Variants in DNM2 observed in about 807,000 individuals in gnomAD.
The protein encoded by DNM2 is dynamin-2.
DNM2 carries 15 observed loss-of-function variants against 99.0 expected under a neutral mutation model. The observed-to-expected ratio is 0.15, with a 90% CI of 0.10 to 0.23. The LOEUF (loss-of-function observed/expected upper bound fraction) is 0.23, where lower values mean the gene tolerates loss of function less well. Ranked by LOEUF, DNM2 falls within the 10% of genes least tolerant of loss-of-function variation. The pLI, the probability that DNM2 is intolerant of heterozygous loss-of-function variation, is 1.00. For missense variants in DNM2, 742 were observed against 1,189.4 expected, an observed-to-expected ratio of 0.62 and a Z score of 5.53; for synonymous variants, 525 against 481.2, an observed-to-expected ratio of 1.09 and a Z score of -1.19.
intron 1 of DNM2, among the ~76,000 whole-genome samples, chr19:10,735,555 C>A (rs2069492732): frequency 6.6e-6 from 1 of 152,106 alleles, no homozygotes; most frequent in African/African-American, 2.4e-5. Context: ...GCTCTGTCAT[C>A]TAGGCTGGAG....
chr19:10,818,653 C>G lies in DNM2; in HGVS notation c.1672-1327C>G, dbSNP rs1024178786. ...CTTGCCAGGGAGCCCCCGCTGCCTT[C>G]TCCACAGTCACTGTGGCTGCTCCTG... On this transcript the variant is annotated intron_variant, in intron 15 of 20. Transcript: ENST00000389253. This position sits in a 1 kb window ranked among gnomAD's most constrained non-coding sequence, Gnocchi z 4.3. 6.6e-6 allele frequency among the ~76,000 whole-genome samples: 1 copy of G among 152,238 alleles called. No homozygotes were observed. The highest frequency in any genetic ancestry group is 2.4e-5 in the African/African-American group (1 of 41,472).
chr19:10,831,463 G>A lies in DNM2; in HGVS notation c.*416G>A. ...CATCCCCAGGCCTTGCTGGGGTGCA[G>A]GGGTATATCAACTTCCCATTAGCAG... is the stretch of plus-strand genomic sequence containing the variant. On this transcript the variant is annotated 3_prime_UTR_variant, in exon 21 of 21. Coordinates refer to ENST00000389253, the MANE Select transcript of DNM2 (RefSeq NM_001005361.3). The surrounding 1 kb of genome is among the most constrained non-coding windows in gnomAD (Gnocchi z 4.3). The A allele has an allele frequency of 1.0e-6, 1 of 998,032 alleles. No individual in the cohort carries two copies. Among genetic ancestry groups the A allele is most frequent in the Non-Finnish European group, 1.2e-6 (1 of 838,282 alleles). The allele number at this position is 998,032 out of a possible 1,614,324, so 61.8% of individuals were successfully genotyped here. A position where few individuals can be genotyped will look rare whatever the true frequency, so the allele number is the denominator to read the frequency against.
chr19:10,738,732 T>C (rs543250355), intron 1 of DNM2, among the ~76,000 whole-genome samples: 2 of 151,726 alleles, frequency 1.3e-5, no homozygotes, highest in Non-Finnish European at 2.9e-5. Flanking sequence ...TAGCTGGGCG[T>C]GGTGGTGGGT....
chr19:10,725,113 C>T (rs1195184482), intron 1 of DNM2, among the ~76,000 whole-genome samples: 3 of 152,188 alleles, frequency 2.0e-5, no homozygotes, highest in Non-Finnish European at 4.4e-5. Context: ...CTTCTGTTTC[C>T]AGTGACTTTC....
intron 2 of DNM2, among the ~76,000 whole-genome samples, chr19:10,767,034 A>G (rs2070820526): frequency 6.6e-6 from 1 of 152,000 alleles, no homozygotes; most frequent in African/African-American, 2.4e-5. Flanking sequence ...TGGCTTTGGT[A>G]TCTGGAAATG....
At position 10,811,455 on chromosome 19, in the gene DNM2, G is replaced by A. The variant is rs772702552; in HGVS notation, c.1558-809G>A. 94 of 343,444 alleles carry A rather than the reference G, an allele frequency of 2.7e-4. No homozygotes were observed. The highest frequency in any genetic ancestry group is 2.8e-4 in the Non-Finnish European group (49 of 172,644). 21.3% of individuals were successfully genotyped at this position (343,444 alleles called of 1,614,324 possible). The stretch of plus-strand genomic sequence containing the variant: ...ACTGGGGGATGCAGGCCAGCCCTTC[G>A]CAGCTGTCCATGGCCATGCTCAGCC... On this transcript the variant is annotated intron_variant, in intron 14 of 20. Transcript: ENST00000389253. The surrounding 1 kb of genome is among the most constrained non-coding windows in gnomAD (Gnocchi z 5.4).
chr19:10,738,223 A>T (rs2069601300), intron 1 of DNM2, among the ~76,000 whole-genome samples: 1 of 151,932 alleles, frequency 6.6e-6, no homozygotes, highest in African/African-American at 2.4e-5. Flanking sequence ...ACGCCGCTGT[A>T]CTCCAGCTTG....
At chr19:10,760,850 A>C (rs545184327) in intron 2 of DNM2, among the ~76,000 whole-genome samples, 314 of 5,016 alleles carry the variant, frequency 0.063, 1 homozygote, top group African/African-American at 0.11. Context: ...TTTTTGGTAG[A>C]GATGGGGGTT....
At chr19:10,731,412 G>A (rs865776998) in intron 1 of DNM2, among the ~76,000 whole-genome samples, 40 of 148,376 alleles carry the variant, frequency 2.7e-4, no homozygotes, top group Admixed American at 1.1e-3. Context: ...GGAGTGCAAT[G>A]CATGATCTCA....
chr19:10,740,406 C>T (rs539922229), intron 1 of DNM2, among the ~76,000 whole-genome samples: 142 of 150,342 alleles, frequency 9.4e-4, no homozygotes, highest in Non-Finnish European at 1.6e-3. Context: ...GACGGAGTCT[C>T]GCTCTGTCGC....
intron 1 of DNM2, among the ~76,000 whole-genome samples, chr19:10,742,544 T>C (rs2069792629): frequency 6.6e-6 from 1 of 152,242 alleles, no homozygotes; most frequent in Non-Finnish European, 1.5e-5. Flanking sequence ...GCCGTGAGGC[T>C]GTGGCTGAGC....
chr19:10,785,617 C>G (rs1471939387), intron 6 of DNM2, among the ~76,000 whole-genome samples: 1 of 151,880 alleles, frequency 6.6e-6, no homozygotes, highest in Non-Finnish European at 1.5e-5. Context: ...CTTTTTTTAT[C>G]TTTTGTAGAG....
intron 3 of DNM2, among the ~76,000 whole-genome samples, chr19:10,774,520 G>A (rs775799606): frequency 6.6e-6 from 1 of 151,990 alleles, no homozygotes; most frequent in Admixed American, 6.6e-5. Context: ...TCCACCTCCC[G>A]GGTTCAAGTG....
Position 10,820,207 on chromosome 19 carries a change from C to T in DNM2, c.1781+118C>T, listed in dbSNP as rs1377874841. ...TGTCAGCAGTCCCTGCCCTTGGGAC[C>T]CAGCTTTTAGAAAGGGGAGTCACGT... On this transcript the variant is annotated intron_variant, in intron 16 of 20. Coordinates refer to ENST00000389253, the MANE Select transcript of DNM2 (RefSeq NM_001005361.3). This position sits in a 1 kb window ranked among gnomAD's most constrained non-coding sequence, Gnocchi z 4.3. The T allele has an allele frequency of 1.0e-6, 1 of 990,162 alleles. No homozygotes were observed. The highest frequency in any genetic ancestry group is 1.6e-5 in the African/African-American group (1 of 62,458). The allele number at this position is 990,162 out of a possible 1,614,324, so 61.3% of individuals were successfully genotyped here.
rs1784570458 is a variant in DNM2, at chr19:10,772,943, G to C, written c.385+315G>C. On this transcript the variant is annotated intron_variant, in intron 3 of 20. Coordinates refer to ENST00000389253, the MANE Select transcript of DNM2 (RefSeq NM_001005361.3). The surrounding 1 kb of genome is among the most constrained non-coding windows in gnomAD (Gnocchi z 4.9). Reference sequence around the variant, plus strand: ...GCAGCCAGATCTGCTGGTGCCTCAAGAGAGGCCAGAACCAGTCTTCTGTAA... The same window carrying C: ...GCAGCCAGATCTGCTGGTGCCTCAACAGAGGCCAGAACCAGTCTTCTGTAA... Among the ~76,000 whole-genome samples, 1 of 151,204 alleles carries C rather than the reference G, an allele frequency of 6.6e-6. No homozygotes were observed. Among genetic ancestry groups the C allele is most frequent in the Non-Finnish European group, 1.5e-5 (1 of 67,934 alleles).
At chr19:10,794,740 A>C (rs532537058) in intron 8 of DNM2, among the ~76,000 whole-genome samples, 1 of 150,314 alleles carries the variant, frequency 6.7e-6, no homozygotes, top group African/African-American at 2.5e-5. Flanking sequence ...GCCAGACCCT[A>C]TCTCAAAAAA....
chr19:10,819,325 C>T (rs2072890230), intron 15 of DNM2, among the ~76,000 whole-genome samples: 1 of 152,168 alleles, frequency 6.6e-6, no homozygotes, highest in African/African-American at 2.4e-5. Context: ...TATCCAGCCC[C>T]AAGATGTCCT....
chr19:10,828,695 A>C (rs1436653477), intron 18 of DNM2, among the ~76,000 whole-genome samples: 35 of 152,184 alleles, frequency 2.3e-4, no homozygotes, highest in Admixed American at 2.3e-3. Flanking sequence ...GAGGCAAGAT[A>C]CTAGAAATAA....
chr19:10,805,047 G>C (rs140577659), intron 12 of DNM2, among the ~76,000 whole-genome samples: 4 of 152,358 alleles, frequency 2.6e-5, no homozygotes, highest in African/African-American at 9.6e-5. Flanking sequence ...AGAACCGTAA[G>C]GTGGTGGAGT....
Sources: allele counts gnomAD v4.1 joint callset (sites outside exome capture counted in the v4.1 genomes callset), GRCh38; gene constraint gnomAD v4.1.1; non-coding constraint Gnocchi (gnomAD v3.1); transcripts MANE v1.5; gene names NCBI Gene and HGNC (gene_info 2026-07-23, HGNC 2026-07-21).